Variants in VDAC1 observed in about 807,000 individuals in gnomAD.
The protein encoded by VDAC1 is voltage dependent anion channel 1, also known as non-selective voltage-gated ion channel VDAC1.
VDAC1 carries 10 observed loss-of-function variants against 34.7 expected under a neutral mutation model. That is an observed-to-expected ratio of 0.29 (90% CI 0.18 to 0.49). The LOEUF is 0.49. Ranked by LOEUF, VDAC1 falls within the 20% of genes least tolerant of loss-of-function variation. VDAC1 has a pLI of 0.99. For synonymous variants in VDAC1, 130 were observed against 136.0 expected (o/e 0.96, Z 0.30); for missense variants, 230 against 347.9 (o/e 0.66, Z 2.69).
chr5:134,001,509 G>A (rs1374947206), intron 1 of VDAC1, among the ~76,000 whole-genome samples: 3 of 152,078 alleles, frequency 2.0e-5, no homozygotes, highest in Non-Finnish European at 4.4e-5. Flanking sequence ...GAGGTCAGGA[G>A]TTCAAGACCA....
At chr5:134,068,697 C>T in the VDAC1 span, among the ~76,000 whole-genome samples, 1 of 152,080 alleles carries the variant, frequency 6.6e-6, no homozygotes, top group African/African-American at 2.4e-5. Flanking sequence ...TGTTCGGAAA[C>T]CACTGTGCCT....
the VDAC1 span, among the ~76,000 whole-genome samples, chr5:134,055,718 G>A: frequency 1.4e-5 from 2 of 139,418 alleles, no homozygotes; most frequent in South Asian, 2.5e-4. Flanking sequence ...GTGAGCCACC[G>A]CGCCCGGCTG....
At chr5:133,993,110 AT>A in intron 1 of VDAC1, 92 bp from the exon 2 acceptor site, 3 of 1,325,066 alleles carry the variant, frequency 2.3e-6, no homozygotes, top group Non-Finnish European at 3.1e-6. Flanking sequence ...TTAGCAACCA[AT>A]AAAAATCACC....
At chr5:133,975,836 C>T (rs1427142415) in intron 7 of VDAC1, 35 bp downstream of exon 7, 1 of 1,609,332 alleles carries the variant, frequency 6.2e-7, no homozygotes, top group Non-Finnish European at 8.5e-7. Context: ...GCAGATGGGC[C>T]TGCCTGTGAG....
chr5:134,095,579 T>C, the VDAC1 span, among the ~76,000 whole-genome samples: 3 of 152,160 alleles, frequency 2.0e-5, no homozygotes, highest in African/African-American at 7.2e-5. Flanking sequence ...CTTTTTCTCA[T>C]AGACTATCAC....
the VDAC1 span, among the ~76,000 whole-genome samples, chr5:134,080,009 C>T: frequency 7.9e-5 from 12 of 152,362 alleles, no homozygotes; most frequent in Non-Finnish European, 1.5e-4. Flanking sequence ...CTCACAATTG[C>T]TCTCAAGAGT....
At chr5:134,016,808 T>C in the VDAC1 span, among the ~76,000 whole-genome samples, 139 of 152,348 alleles carry the variant, frequency 9.1e-4, 1 homozygote, top group East Asian at 0.021. Flanking sequence ...GCACTGTCTG[T>C]CCAAACCTGC....
intron 1 of VDAC1, among the ~76,000 whole-genome samples, chr5:133,998,577 A>G (rs1236225158): frequency 6.6e-6 from 1 of 152,216 alleles, no homozygotes; most frequent in Non-Finnish European, 1.5e-5. Flanking sequence ...TGTGCCTGAA[A>G]TTGAGCTGTG....
the VDAC1 span, among the ~76,000 whole-genome samples, chr5:134,109,879 T>C: frequency 6.6e-6 from 1 of 152,054 alleles, no homozygotes; most frequent in Non-Finnish European, 1.5e-5. Context: ...AAGCCAGTGT[T>C]GGGTCAGGGA....
At chr5:134,045,252 C>T in the VDAC1 span, among the ~76,000 whole-genome samples, 6 of 152,206 alleles carry the variant, frequency 3.9e-5, no homozygotes, top group African/African-American at 1.4e-4. Context: ...TGTGTGTGGC[C>T]CATCTGGCCA....
Position 133,975,931 on chromosome 5 carries a change from G to C in VDAC1, c.642C>G (p.Asn214Lys), listed in dbSNP as rs901523309. 1 of 1,613,240 alleles carries C rather than the reference G, an allele frequency of 6.2e-7. No individual in the cohort carries two copies. The highest frequency in any genetic ancestry group is 8.5e-7 in the Non-Finnish European group (1 of 1,179,946). Residue 214 changes from asparagine (N) to lysine (K), a missense_variant, in exon 7 of 9, where the codon AAC becomes AAG. By Grantham distance (94) the Asn-to-Lys change is moderately conservative. Transcript: ENST00000265333. ...CTGCTATTCCGAAGCGCGTGTTACT[G>C]TTTCCTGCTGTCCAGGCAAGATTGA... is the stretch of plus-strand genomic sequence containing the variant. ...TAVNLAWTAG[N>K]SNTRFGIAAK...
chr5:134,031,230 A>T, the VDAC1 span, among the ~76,000 whole-genome samples: 1 of 152,174 alleles, frequency 6.6e-6, no homozygotes, highest in Non-Finnish European at 1.5e-5. Flanking sequence ...TCCTGGTTTT[A>T]TCCCTACCTT....
At chr5:133,987,748 C>T (rs900878398) in intron 5 of VDAC1, among the ~76,000 whole-genome samples, 9 of 152,202 alleles carry the variant, frequency 5.9e-5, no homozygotes, top group African/African-American at 1.7e-4. Context: ...TCTGCATAAT[C>T]TCAAAGTGTC....
the VDAC1 span, among the ~76,000 whole-genome samples, chr5:134,040,249 G>A: frequency 1.3e-5 from 2 of 152,052 alleles, no homozygotes; most frequent in Admixed American, 1.3e-4. Context: ...TGGCCAACAT[G>A]GCGAAACCCG....
the VDAC1 span, among the ~76,000 whole-genome samples, chr5:134,053,033 T>C: frequency 1.3e-5 from 2 of 152,256 alleles, no homozygotes; most frequent in East Asian, 3.9e-4. Context: ...GAGAATCCCT[T>C]GAACCCAGGA....
the VDAC1 span, among the ~76,000 whole-genome samples, chr5:134,041,975 T>C: frequency 6.6e-6 from 1 of 152,202 alleles, no homozygotes; most frequent in Non-Finnish European, 1.5e-5. Flanking sequence ...CAACATCCTT[T>C]GTTTGTTTTG....
chr5:134,092,106 C>T, the VDAC1 span, among the ~76,000 whole-genome samples: 14 of 152,244 alleles, frequency 9.2e-5, no homozygotes, highest in Admixed American at 2.6e-4. Context: ...AACCAAGGCT[C>T]ATTGTGATTA....
At chr5:133,996,858 C>T (rs1753335090) in intron 1 of VDAC1, among the ~76,000 whole-genome samples, 2 of 152,064 alleles carry the variant, frequency 1.3e-5, no homozygotes, top group Non-Finnish European at 2.9e-5. Flanking sequence ...GCAGCATCAC[C>T]AAGAGTGGGG....
the VDAC1 span, among the ~76,000 whole-genome samples, chr5:134,098,759 A>G: frequency 6.6e-6 from 1 of 152,228 alleles, no homozygotes; most frequent in African/African-American, 2.4e-5. Flanking sequence ...GACCAGGGCA[A>G]GTCCAGCTCC....
Sources: gnomAD v4.1 joint callset for allele counts (sites outside exome capture counted in the v4.1 genomes callset) on GRCh38, gnomAD v4.1.1 for gene constraint, MANE v1.5 for transcripts, NCBI Gene and HGNC (gene_info 2026-07-23, HGNC 2026-07-21) for gene names.